Variants in SIL1 observed in about 807,000 individuals in gnomAD.
SIL1 encodes nucleotide exchange factor SIL1.
A neutral mutation model predicts 49.1 loss-of-function variants in SIL1; 40 were observed. That is an observed-to-expected ratio of 0.81 (90% CI 0.63 to 1.06). The LOEUF (loss-of-function observed/expected upper bound fraction) is 1.06. Ranked by LOEUF, SIL1 falls within the 50% of genes least tolerant of loss-of-function variation. SIL1 has a pLI of 0.00. For missense variants in SIL1, 500 were observed against 572.6 expected (o/e 0.87, Z 1.29); for synonymous variants, 253 against 250.8 (o/e 1.01, Z -0.08).
intron 7 of SIL1, among the ~76,000 whole-genome samples, chr5:139,005,112 G>A (rs1348089940): frequency 6.6e-6 from 1 of 152,192 alleles, no homozygotes; most frequent in East Asian, 1.9e-4. Context: ...CCTGAAAAAT[G>A]CTGAGGCAGG....
chr5:139,152,006 C>T (rs1244801006), intron 1 of SIL1, among the ~76,000 whole-genome samples: 1 of 152,146 alleles, frequency 6.6e-6, no homozygotes, highest in East Asian at 1.9e-4. Flanking sequence ...GAGCATGGAG[C>T]AGAAGAAGGT....
intron 7 of SIL1, among the ~76,000 whole-genome samples, chr5:139,004,964 T>C (rs912627517): frequency 1.3e-5 from 2 of 152,264 alleles, no homozygotes. Context: ...AAAGATAGGA[T>C]GTCGGGCCAG....
At chr5:139,017,256 G>A (rs1310005208) in intron 7 of SIL1, 1 of 152,174 alleles carries the variant, frequency 6.6e-6, no homozygotes, top group Non-Finnish European at 1.5e-5. Context: ...TTGGGGGAGG[G>A]GGATACGTTC....
chr5:139,188,438 A>T (rs991847865), intron 1 of SIL1, among the ~76,000 whole-genome samples: 1 of 152,106 alleles, frequency 6.6e-6, no homozygotes, highest in African/African-American at 2.4e-5. Flanking sequence ...TTTTTACCTT[A>T]TTTGTTTCAT....
intron 1 of SIL1, among the ~76,000 whole-genome samples, chr5:139,183,178 G>C (rs900171766): frequency 3.9e-5 from 6 of 152,190 alleles, no homozygotes; most frequent in Admixed American, 1.3e-4. Flanking sequence ...GCACAGGTCA[G>C]GTCTGGGTAA....
chr5:139,025,812 G>A (rs990849343), intron 6 of SIL1, among the ~76,000 whole-genome samples: 5 of 152,166 alleles, frequency 3.3e-5, no homozygotes. Flanking sequence ...GGGCCTGGTA[G>A]TAAATATTTT....
chr5:139,128,415 G>A (rs1265236310), intron 1 of SIL1, among the ~76,000 whole-genome samples: 1 of 152,090 alleles, frequency 6.6e-6, no homozygotes, highest in Non-Finnish European at 1.5e-5. Context: ...AAAGGTGGGA[G>A]GATCACTTGA....
intron 1 of SIL1, among the ~76,000 whole-genome samples, chr5:139,139,781 G>A (rs1407812684): frequency 2.0e-5 from 3 of 152,174 alleles, no homozygotes; most frequent in African/African-American, 7.2e-5. Context: ...GAGGTCAGGA[G>A]TTCAAGACCA....
At chr5:139,061,520 G>A (rs1769588543) in intron 3 of SIL1, among the ~76,000 whole-genome samples, 1 of 152,246 alleles carries the variant, frequency 6.6e-6, no homozygotes, top group Non-Finnish European at 1.5e-5. Context: ...GGCTATCTTT[G>A]TTGGCTGGGT....
At chr5:139,169,273 T>C (rs774155729) in intron 1 of SIL1, among the ~76,000 whole-genome samples, 1 of 152,164 alleles carries the variant, frequency 6.6e-6, no homozygotes, top group Non-Finnish European at 1.5e-5. Flanking sequence ...AGTTTACACC[T>C]GAGGCTGATC....
chr5:138,947,151 C>T lies in SIL1; in HGVS notation c.1352G>A (p.Gly451Asp). Residue 451 changes from glycine (G) to aspartate (D), a missense_variant, in exon 10 of 10, where the codon GGC (glycine) becomes GAC (aspartate). Physicochemically the swap from Gly to Asp is moderately conservative, Grantham distance 94 (BLOSUM62 -1). Transcript: ENST00000394817. The surrounding 1 kb of genome is among the most constrained non-coding windows in gnomAD (Gnocchi z 4.1). ...EDEGYFQELL[G>D]SVNSLLKELR Reference sequence around the variant, plus strand: ...CTCCTTCAGCAAGCTGTTGACAGAGCCCAGCAGCTCCTGGAAGTAGCCCTC... The same window carrying T: ...CTCCTTCAGCAAGCTGTTGACAGAGTCCAGCAGCTCCTGGAAGTAGCCCTC... The T allele has an allele frequency of 6.2e-7, 1 of 1,613,644 alleles. No homozygotes were observed. The highest frequency in any genetic ancestry group is 8.5e-7 in the Non-Finnish European group (1 of 1,179,862).
chr5:139,014,958 C>A (rs750467913), intron 7 of SIL1, among the ~76,000 whole-genome samples: 22 of 152,134 alleles, frequency 1.4e-4, no homozygotes, highest in Non-Finnish European at 2.4e-4. Context: ...TTTTCTGGGC[C>A]TTCAGCCAGT....
chr5:139,195,685 C>T (rs1752255274), intron 1 of SIL1, among the ~76,000 whole-genome samples: 1 of 152,222 alleles, frequency 6.6e-6, no homozygotes, highest in Admixed American at 6.5e-5. Flanking sequence ...CCATGCCCGG[C>T]CCTATTCCCA....
chr5:139,192,464 T>C (rs1395164435), intron 1 of SIL1, among the ~76,000 whole-genome samples: 1 of 152,144 alleles, frequency 6.6e-6, no homozygotes, highest in Non-Finnish European at 1.5e-5. Flanking sequence ...AGTCACAACA[T>C]AGCCTATGAG....
At chr5:139,192,245 T>C (rs946212908) in intron 1 of SIL1, among the ~76,000 whole-genome samples, 7 of 150,238 alleles carry the variant, frequency 4.7e-5, no homozygotes, top group African/African-American at 1.7e-4. Context: ...AAAAAGTCCA[T>C]TGGCATTAGC....
intron 3 of SIL1, among the ~76,000 whole-genome samples, chr5:139,056,673 C>T (rs1478278986): frequency 1.1e-4 from 16 of 144,880 alleles, no homozygotes; most frequent in Admixed American, 4.0e-4. Context: ...CCTGGCCAGC[C>T]GCCCCGTCCG....
intron 1 of SIL1, among the ~76,000 whole-genome samples, chr5:139,168,342 A>G (rs943058061): frequency 2.0e-5 from 3 of 152,238 alleles, no homozygotes; most frequent in Admixed American, 1.3e-4. Context: ...AATTGCAGTT[A>G]ATGTCTATCA....
At chr5:138,981,229 AAAAAG>A (rs1430599523) in intron 7 of SIL1, among the ~76,000 whole-genome samples, 1 of 151,806 alleles carries the variant, frequency 6.6e-6, no homozygotes, top group African/African-American at 2.4e-5. Context: ...AAAAAAAAAA[AAAAAG>A]TTTACCCTGG....
At chr5:139,110,144 G>A (rs1770811254) in intron 3 of SIL1, among the ~76,000 whole-genome samples, 1 of 150,996 alleles carries the variant, frequency 6.6e-6, no homozygotes, top group Non-Finnish European at 1.5e-5. Context: ...ACTCCAGCCT[G>A]GGTGACAGAG....
Sources: gnomAD v4.1 joint callset for allele counts (sites outside exome capture counted in the v4.1 genomes callset) on GRCh38, gnomAD v4.1.1 for gene constraint, Gnocchi (gnomAD v3.1) non-coding constraint, MANE v1.5 for transcripts, NCBI Gene and HGNC (gene_info 2026-07-23, HGNC 2026-07-21) for gene names.